The following SHLD1 variants were observed in gnomAD, a reference collection of about 807,000 sequenced individuals.
The protein encoded by SHLD1 is shieldin complex subunit 1.
SHLD1 carries 3 observed loss-of-function variants against 5.5 expected under a neutral mutation model. The ratio of observed to expected loss-of-function variants is 0.54; its 90% confidence interval spans 0.25 to 1.40. SHLD1 has a LOEUF of 1.40. Among genes scored for constraint, SHLD1 ranks in the 40% most tolerant of loss-of-function variants. SHLD1 has a pLI of 0.15. For synonymous variants in SHLD1, 92 were observed against 94.3 expected, an observed-to-expected ratio of 0.98 and a Z score of 0.14; for missense variants, 210 against 244.4, an observed-to-expected ratio of 0.86 and a Z score of 0.94.
At chr20:5,849,422 G>C (rs2087972453) in intron 2 of SHLD1, among the ~76,000 whole-genome samples, 1 of 152,154 alleles carries the variant, frequency 6.6e-6, no homozygotes, top group Non-Finnish European at 1.5e-5. Context: ...AATCCGTGGA[G>C]GTTTAGCCAA....
At chr20:5,757,958 T>TG (rs1029147136) in intron 1 of SHLD1, among the ~76,000 whole-genome samples, 2 of 152,156 alleles carry the variant, frequency 1.3e-5, no homozygotes, top group Non-Finnish European at 2.9e-5. Context: ...ATTAGGTCCA[T>TG]GTTAGAGTAT....
At chr20:5,764,137 A>ATATATATAT (rs1450130967) in intron 1 of SHLD1, among the ~76,000 whole-genome samples, 4 of 95,862 alleles carry the variant, frequency 4.2e-5, no homozygotes, top group African/African-American at 1.9e-4. Context: ...AAAAAAAAAA[A>ATATATATAT]AAATATATAT....
intron 1 of SHLD1, among the ~76,000 whole-genome samples, chr20:5,753,425 A>G (rs1334141351): frequency 2.0e-5 from 3 of 152,190 alleles, no homozygotes. Flanking sequence ...AGCTAAAAAG[A>G]AATTAATTAG....
At chr20:5,768,522 T>C (rs935074751) in intron 1 of SHLD1, among the ~76,000 whole-genome samples, 1 of 152,244 alleles carries the variant, frequency 6.6e-6, no homozygotes, top group African/African-American at 2.4e-5. Context: ...CACCTTTGTG[T>C]TCCCAGTGCC....
At chr20:5,764,718 T>C (rs1223490559) in intron 1 of SHLD1, among the ~76,000 whole-genome samples, 1 of 151,990 alleles carries the variant, frequency 6.6e-6, no homozygotes, top group Non-Finnish European at 1.5e-5. Flanking sequence ...ATAATGTGTT[T>C]TAAAAATATG....
intron 2 of SHLD1, among the ~76,000 whole-genome samples, chr20:5,839,183 C>A (rs1172518979): frequency 6.6e-6 from 1 of 152,220 alleles, no homozygotes; most frequent in African/African-American, 2.4e-5. Flanking sequence ...CCAAAACTGG[C>A]AGATTTGCAT....
At chr20:5,837,300 TTC>T (rs1308456057) in intron 2 of SHLD1, among the ~76,000 whole-genome samples, 2 of 152,218 alleles carry the variant, frequency 1.3e-5, no homozygotes, top group African/African-American at 4.8e-5. Flanking sequence ...AACCTTTTTT[TTC>T]TTCCGCTTTT....
intron 1 of SHLD1, among the ~76,000 whole-genome samples, chr20:5,762,384 A>C (rs1225216278): frequency 6.6e-6 from 1 of 152,192 alleles, no homozygotes; most frequent in African/African-American, 2.4e-5. Flanking sequence ...AGTCACTTCT[A>C]AACTCACCCT....
intron 2 of SHLD1, among the ~76,000 whole-genome samples, chr20:5,814,097 C>T (rs1057362497): frequency 5.9e-5 from 9 of 151,736 alleles, no homozygotes; most frequent in South Asian, 4.2e-4. Context: ...GGACTACAGG[C>T]GTGTGCCACC....
intron 2 of SHLD1, among the ~76,000 whole-genome samples, chr20:5,852,362 T>G (rs1037131151): frequency 6.6e-6 from 1 of 152,120 alleles, no homozygotes; most frequent in Non-Finnish European, 1.5e-5. Context: ...ACAGTACAGA[T>G]CTAGATGCAT....
chr20:5,765,473 C>T (rs1281231972), intron 1 of SHLD1, among the ~76,000 whole-genome samples: 1 of 152,000 alleles, frequency 6.6e-6, no homozygotes, highest in Non-Finnish European at 1.5e-5. Flanking sequence ...TGGTCTCAAA[C>T]TTCTGACCTT....
At chr20:5,797,452 C>T (rs1422387149) in intron 2 of SHLD1, among the ~76,000 whole-genome samples, 1 of 152,114 alleles carries the variant, frequency 6.6e-6, no homozygotes, top group Non-Finnish European at 1.5e-5. Context: ...GTCCCAGCTA[C>T]TCAAGAGGCA....
At chr20:5,776,265 T>G (rs1985423358) in intron 2 of SHLD1, among the ~76,000 whole-genome samples, 1 of 150,612 alleles carries the variant, frequency 6.6e-6, no homozygotes, top group African/African-American at 2.4e-5. Context: ...ACAAATACCA[T>G]ACACTGGGTG....
intron 2 of SHLD1, among the ~76,000 whole-genome samples, chr20:5,824,827 A>T (rs1373075342): frequency 6.6e-6 from 1 of 152,068 alleles, no homozygotes; most frequent in African/African-American, 2.4e-5. Context: ...AAATCCTAAC[A>T]TTTAGATTGT....
intron 2 of SHLD1, among the ~76,000 whole-genome samples, chr20:5,830,742 A>G (rs2087719726): frequency 6.6e-6 from 1 of 151,212 alleles, no homozygotes. Context: ...AAGTCTTAGA[A>G]GGTAATAGTT....
chr20:5,765,765 A>G (rs1247005692), intron 1 of SHLD1, among the ~76,000 whole-genome samples: 3 of 134,612 alleles, frequency 2.2e-5, no homozygotes, highest in Non-Finnish European at 4.7e-5. Context: ...TATACGCACA[A>G]ATCCTTTTTT....
At chr20:5,751,102 A>G (rs533006424) in intron 1 of SHLD1, among the ~76,000 whole-genome samples, 2 of 152,328 alleles carry the variant, frequency 1.3e-5, no homozygotes, top group East Asian at 3.9e-4. Context: ...ATCACTCCAA[A>G]GAAAAATCCT....
intron 2 of SHLD1, among the ~76,000 whole-genome samples, chr20:5,828,367 G>T (rs1045919797): frequency 6.6e-6 from 1 of 152,102 alleles, no homozygotes; most frequent in Non-Finnish European, 1.5e-5. Flanking sequence ...AAATATGTTG[G>T]TCATAATACA....
intron 2 of SHLD1, among the ~76,000 whole-genome samples, chr20:5,796,265 C>T (rs1486665239): frequency 6.6e-6 from 1 of 151,988 alleles, no homozygotes; most frequent in Non-Finnish European, 1.5e-5. Context: ...ACTGTGAGCA[C>T]TCTCAAAATT....
Sources: gnomAD v4.1 joint callset for allele counts (sites outside exome capture counted in the v4.1 genomes callset) on GRCh38, gnomAD v4.1.1 for gene constraint, MANE v1.5 for transcripts, NCBI Gene and HGNC (gene_info 2026-07-23, HGNC 2026-07-21) for gene names.